Variants in NRG1 observed in about 807,000 individuals in gnomAD.
NRG1 encodes pro-neuregulin-1, membrane-bound isoform.
NRG1 carries 18 observed loss-of-function variants against 63.8 expected under a neutral mutation model. The ratio of observed to expected loss-of-function variants is 0.28; its 90% CI spans 0.19 to 0.42. The LOEUF (loss-of-function observed/expected upper bound fraction) is 0.42, where lower values mean the gene tolerates loss of function less well. Among genes scored for constraint, NRG1 ranks in the 10% least tolerant of loss-of-function variants. The pLI is 1.00. For synonymous variants in NRG1, 302 were observed against 301.3 expected (o/e 1.00, Z -0.02); for missense variants, 762 against 814.7 (o/e 0.94, Z 0.79).
chr8:32,459,603 TAAA>T (rs1322128327), intron 1 of NRG1, among the ~76,000 whole-genome samples: 43 of 141,742 alleles, frequency 3.0e-4, no homozygotes, highest in Admixed American at 6.3e-4. Context: ...CATTTCTAAT[TAAA>T]AAAAAAAAAA....
intron 1 of NRG1, among the ~76,000 whole-genome samples, chr8:31,979,688 C>A (rs929628103): frequency 2.0e-5 from 3 of 152,052 alleles, no homozygotes; most frequent in African/African-American, 7.2e-5. Context: ...ACCTTGAGGA[C>A]AAATATTGCC....
At chr8:32,294,575 T>C (rs151093776) in intron 1 of NRG1, among the ~76,000 whole-genome samples, 70 of 152,330 alleles carry the variant, frequency 4.6e-4, no homozygotes, top group African/African-American at 1.6e-3. Context: ...ATTGGAAACA[T>C]TTCCAGTGCC....
At chr8:31,933,089 A>G (rs1196168750) in intron 1 of NRG1, among the ~76,000 whole-genome samples, 1 of 152,230 alleles carries the variant, frequency 6.6e-6, no homozygotes, top group African/African-American at 2.4e-5. Flanking sequence ...GCTAGCAAGT[A>G]TTGGCTTAAC....
At chr8:31,986,667 G>A (rs767018120) in intron 1 of NRG1, among the ~76,000 whole-genome samples, 10 of 152,052 alleles carry the variant, frequency 6.6e-5, no homozygotes, top group African/African-American at 2.2e-4. Context: ...AGTTTTGTAC[G>A]AATTGGCCAG....
At chr8:32,499,880 A>T (rs1045847984) in intron 1 of NRG1, among the ~76,000 whole-genome samples, 1 of 152,136 alleles carries the variant, frequency 6.6e-6, no homozygotes, top group Non-Finnish European at 1.5e-5. Context: ...GGGCTCCAAG[A>T]AAAGGGCAAT....
chr8:32,675,237 A>G (rs1371623549), intron 5 of NRG1, among the ~76,000 whole-genome samples: 2 of 152,192 alleles, frequency 1.3e-5, no homozygotes, highest in Non-Finnish European at 2.9e-5. Context: ...TTTTTTCTTG[A>G]GAATTTTGCA....
chr8:32,747,732 G>GTATATATATATATATATATATATATATA (rs35663919), intron 7 of NRG1, among the ~76,000 whole-genome samples: 15 of 132,106 alleles, frequency 1.1e-4, no homozygotes, highest in African/African-American at 4.5e-4. Flanking sequence ...ATGTGTGTGT[G>GTATATATATATATATATATATATATATA]TATATATATA....
intron 7 of NRG1, among the ~76,000 whole-genome samples, chr8:32,746,017 C>T (rs569694408): frequency 2.6e-5 from 4 of 152,218 alleles, no homozygotes; most frequent in Admixed American, 6.5e-5. Flanking sequence ...TGAAATTATT[C>T]TTGTTCATCA....
At chr8:31,729,958 C>T (rs916340592) in intron 1 of NRG1, among the ~76,000 whole-genome samples, 24 of 152,096 alleles carry the variant, frequency 1.6e-4, no homozygotes, top group African/African-American at 5.6e-4. Flanking sequence ...AAAATTTCCC[C>T]TTTGTCCTAA....
chr8:32,482,425 T>TGTGTGTGTGTGTGTGTGTG (rs1554555725), intron 1 of NRG1, among the ~76,000 whole-genome samples: 1 of 150,690 alleles, frequency 6.6e-6, no homozygotes, highest in African/African-American at 2.4e-5. Context: ...TGTGTGTGTG[T>TGTGTGTGTGTGTGTGTGTG]TCTCTGGTAT....
chr8:31,976,533 G>T (rs1305584445), intron 1 of NRG1, among the ~76,000 whole-genome samples: 1 of 152,126 alleles, frequency 6.6e-6, no homozygotes, highest in East Asian at 1.9e-4. Context: ...AGAAGATATA[G>T]CAAAATAATC....
chr8:32,749,792 A>T, intron 7 of NRG1: 1 of 598,882 alleles, frequency 1.7e-6, no homozygotes, highest in South Asian at 2.1e-5. Flanking sequence ...TTAGATTCCT[A>T]AGCATCCTTC....
intron 1 of NRG1, among the ~76,000 whole-genome samples, chr8:32,214,242 C>G (rs530673300): frequency 6.6e-6 from 1 of 152,288 alleles, no homozygotes; most frequent in South Asian, 2.1e-4. Flanking sequence ...AAAATAATCC[C>G]AATGCCAAAG....
At chr8:32,558,051 A>C (rs951849862) in intron 1 of NRG1, among the ~76,000 whole-genome samples, 2 of 152,194 alleles carry the variant, frequency 1.3e-5, no homozygotes, top group Non-Finnish European at 2.9e-5. Flanking sequence ...TGCCCCATCC[A>C]AAAGGATAGC....
At chr8:31,994,864 G>A (rs58558201) in intron 1 of NRG1, among the ~76,000 whole-genome samples, 6,334 of 151,712 alleles carry the variant, frequency 0.042, 419 homozygotes, top group African/African-American at 0.14. Flanking sequence ...CTATTTGATT[G>A]AAAATATAAA....
exon 1 of NRG1, chr8:31,639,328 G>A (rs1434709637): frequency 6.5e-7 from 1 of 1,526,952 alleles, no homozygotes; most frequent in African/African-American, 1.4e-5. Context: ...AGAGAGGGAG[G>A]AGGCGCGCGG....
At chr8:32,102,767 C>T (rs1192456336) in intron 1 of NRG1, among the ~76,000 whole-genome samples, 1 of 152,106 alleles carries the variant, frequency 6.6e-6, no homozygotes, top group African/African-American at 2.4e-5. Context: ...TTCTGGGCTT[C>T]AGTTTCTGTA....
intron 5 of NRG1, chr8:32,721,991 G>A (rs897837783): frequency 5.8e-6 from 9 of 1,547,060 alleles, no homozygotes; most frequent in Non-Finnish European, 7.9e-6. Flanking sequence ...GGACTTCAAA[G>A]AGCAGGAAAG....
chr8:32,127,850 C>G (rs1374277427), intron 1 of NRG1, among the ~76,000 whole-genome samples: 1 of 151,654 alleles, frequency 6.6e-6, no homozygotes, highest in Non-Finnish European at 1.5e-5. Context: ...CGCTTGAGCC[C>G]AGAGTTTAAG....
Sources: allele counts gnomAD v4.1 joint callset (sites outside exome capture counted in the v4.1 genomes callset), GRCh38; gene constraint gnomAD v4.1.1; transcripts MANE v1.5; gene names NCBI Gene and HGNC (gene_info 2026-07-23, HGNC 2026-07-21).